FBN2: variants seen among roughly 807,000 people sequenced by gnomAD.
FBN2 encodes the protein fibrillin 2, also known as fibrillin-2.
In FBN2, 105 loss-of-function variants were observed where a neutral mutation model predicts 355.6. The observed-to-expected ratio is 0.30, with a 90% CI of 0.25 to 0.35. The LOEUF (loss-of-function observed/expected upper bound fraction) is 0.35. Ranked by LOEUF, FBN2 falls within the 10% of genes least tolerant of loss-of-function variation. The pLI is 1.00. For missense variants in FBN2, 3,280 were observed against 3,758.7 expected (o/e 0.87, Z 3.33); for synonymous variants, 1,350 against 1,301.2 (o/e 1.04, Z -0.81).
At chr5:128,442,705 A>G (rs1753953919) in intron 7 of FBN2, among the ~76,000 whole-genome samples, 1 of 152,056 alleles carries the variant, frequency 6.6e-6, no homozygotes. Flanking sequence ...ACCCTAATTG[A>G]GCAAAGGGGG....
rs78230754 is a variant in FBN2, at chr5:128,519,778, G to A, written c.533-410C>T. ...TGGGAAATGAAGGAAAAAAGAGGCC[G>A]ATCCCGGTAGCACAGGGAAGGAGTA... On this transcript the variant is annotated intron_variant, in intron 4 of 64. Coordinates refer to ENST00000262464, the MANE Select transcript of FBN2 (RefSeq NM_001999.4). 3.3e-3 allele frequency among the ~76,000 whole-genome samples: 508 copies of A among 151,668 alleles called. 3 individuals are homozygous for A. Among genetic ancestry groups the A allele is most frequent in the African/African-American group, 0.012 (478 of 41,380 alleles).
intron 7 of FBN2, 126 bp downstream of exon 7, chr5:128,446,355 C>G: frequency 9.8e-7 from 1 of 1,024,490 alleles, no homozygotes; most frequent in Non-Finnish European, 1.5e-6. Flanking sequence ...TAGGCTTAAA[C>G]CTATGCTTTC....
intron 11 of FBN2, among the ~76,000 whole-genome samples, chr5:128,383,973 C>T (rs184074887): frequency 7.2e-5 from 11 of 152,034 alleles, no homozygotes; most frequent in Admixed American, 3.3e-4. Context: ...CTTATACAAA[C>T]ACTTGTCCAT....
chr5:128,479,972 CTCTCTATATATATATATATATA>C (rs1489460776), intron 5 of FBN2, among the ~76,000 whole-genome samples: 303 of 20,434 alleles, frequency 0.015, 1 homozygote, highest in Admixed American at 0.04. Context: ...CTCTCTCTCT[CTCTCTATATATATATATATATA>C]TATATATATA....
At chr5:128,455,200 T>C (rs1185960868) in intron 6 of FBN2, among the ~76,000 whole-genome samples, 3 of 152,184 alleles carry the variant, frequency 2.0e-5, no homozygotes, top group Non-Finnish European at 4.4e-5. Context: ...TGGCAATTTG[T>C]TATATATTTA....
chr5:128,301,420 T>G lies in FBN2; in HGVS notation c.6008A>C (p.Glu2003Ala), dbSNP rs768038494. Residue 2003 changes from glutamate (E) to alanine (A), a missense_variant, in exon 47 of 65, where the codon GAA (glutamate) becomes GCA (alanine). By Grantham distance (107) the Glu-to-Ala change is moderately radical. Coordinates refer to ENST00000262464, the MANE Select transcript of FBN2 (RefSeq NM_001999.4). ...GCCATCTGGGGTAAGTTCATAACCTTCGTTACATAGACACTTGAAAGAACC... is the reference window on the plus strand; with the variant it reads ...GCCATCTGGGGTAAGTTCATAACCTGCGTTACATAGACACTTGAAAGAACC... ...EIGSFKCLCN[E>A]GYELTPDGKN... 6.2e-6 allele frequency: 10 copies of G among 1,613,514 alleles called. No homozygotes were observed. The East Asian group carries it at 2.2e-4, about 36-fold the overall frequency.
intron 4 of FBN2, among the ~76,000 whole-genome samples, chr5:128,525,363 T>C (rs1159203755): frequency 6.6e-6 from 1 of 152,180 alleles, no homozygotes; most frequent in Non-Finnish European, 1.5e-5. Flanking sequence ...CAATCTATCT[T>C]TTTATGAATA....
rs1379439226 is a variant in FBN2, at chr5:128,261,886, T to C, written c.8214A>G (p.Gly2738=). The change falls in exon 64 of 65, where the codon GGA becomes GGG. Residue 2738 remains glycine, a synonymous_variant. Transcript: ENST00000262464. ...GTGACAGGTACTGCCCCTTGTTAAA[T>C]CCCATTCCTGAGACACAGTGGCTAT... ...VGQGHCVSGM[G]FNKGQYLSLD... The C allele has an allele frequency of 9.9e-6, 16 of 1,614,118 alleles. No homozygotes were observed. The highest frequency in any genetic ancestry group is 1.3e-5 in the Non-Finnish European group (15 of 1,179,962).
chr5:128,505,061 G>C (rs1021774679), intron 5 of FBN2, among the ~76,000 whole-genome samples: 1 of 152,096 alleles, frequency 6.6e-6, no homozygotes, highest in Non-Finnish European at 1.5e-5. Context: ...CTTTCCTGCC[G>C]CCATTTAAGA....
At chr5:128,391,872 C>T (rs1581259272) in intron 11 of FBN2, 146 bp downstream of exon 11, 1 of 720,698 alleles carries the variant, frequency 1.4e-6, no homozygotes, top group South Asian at 1.7e-5. Flanking sequence ...AGGGGGCACA[C>T]TGAATAGCAT....
intron 5 of FBN2, among the ~76,000 whole-genome samples, chr5:128,484,375 G>C (rs1486311875): frequency 1.3e-5 from 2 of 152,236 alleles, no homozygotes; most frequent in African/African-American, 4.8e-5. Flanking sequence ...GCCAGCAACA[G>C]TCTAAGAGCA....
intron 8 of FBN2, among the ~76,000 whole-genome samples, chr5:128,402,882 A>G (rs1460600408): frequency 2.0e-5 from 3 of 152,258 alleles, no homozygotes; most frequent in African/African-American, 4.8e-5. Flanking sequence ...AAGAGTAACT[A>G]TAGAACTAGG....
chr5:128,324,355 C>T (rs1750481387), intron 34 of FBN2, among the ~76,000 whole-genome samples: 2 of 152,112 alleles, frequency 1.3e-5, no homozygotes, highest in South Asian at 4.1e-4. Context: ...TCTTGCTTCT[C>T]GAGTTCTTTT....
At chr5:128,535,105 T>C (rs538255098) in intron 2 of FBN2, among the ~76,000 whole-genome samples, 2 of 152,364 alleles carry the variant, frequency 1.3e-5, no homozygotes, top group East Asian at 3.8e-4. Flanking sequence ...GAACATGTTC[T>C]TTTAAAAAAT....
chr5:128,479,311 C>T (rs749807699), intron 5 of FBN2, among the ~76,000 whole-genome samples: 1 of 152,074 alleles, frequency 6.6e-6, no homozygotes, highest in African/African-American at 2.4e-5. Flanking sequence ...ATAAAAAGCA[C>T]GTGGTCTTAT....
At chr5:128,277,772 A>G in intron 58 of FBN2, 108 bp downstream of exon 58, 2 of 1,223,002 alleles carry the variant, frequency 1.6e-6, no homozygotes, top group Non-Finnish European at 2.4e-6. Flanking sequence ...AATAAAATAT[A>G]TATTCCAAAG....
At chr5:128,460,550 G>T (rs1414097699) in intron 6 of FBN2, among the ~76,000 whole-genome samples, 1 of 151,994 alleles carries the variant, frequency 6.6e-6, no homozygotes, top group Non-Finnish European at 1.5e-5. Flanking sequence ...GTATAACCAA[G>T]ACAATCCTAA....
intron 20 of FBN2, among the ~76,000 whole-genome samples, chr5:128,355,470 G>T (rs931320647): frequency 2.0e-5 from 3 of 152,158 alleles, no homozygotes; most frequent in African/African-American, 4.8e-5. Flanking sequence ...TTGAAAAATA[G>T]ATTCTAAATC....
chr5:128,400,795 T>C (rs941681321), intron 8 of FBN2, among the ~76,000 whole-genome samples: 1 of 152,192 alleles, frequency 6.6e-6, no homozygotes, highest in Non-Finnish European at 1.5e-5. Context: ...TAAGGTAATA[T>C]GTATAAAAAT....
Sources: allele counts gnomAD v4.1 joint callset (sites outside exome capture counted in the v4.1 genomes callset), GRCh38; gene constraint gnomAD v4.1.1; transcripts MANE v1.5; gene names NCBI Gene and HGNC (gene_info 2026-07-23, HGNC 2026-07-21).